Variants in SDC3 observed in about 807,000 individuals in gnomAD.
The protein encoded by SDC3 is syndecan 3.
A neutral mutation model predicts 24.4 loss-of-function variants in SDC3; 13 were observed. The observed-to-expected ratio is 0.53, with a 90% confidence interval of 0.35 to 0.85. The LOEUF (loss-of-function observed/expected upper bound fraction) is 0.85. SDC3 is among the 40% of genes least tolerant of loss of function. The pLI is 0.01. For missense variants in SDC3, 571 were observed against 584.5 expected, an observed-to-expected ratio of 0.98 and a Z score of 0.24; for synonymous variants, 295 against 260.9, an observed-to-expected ratio of 1.13 and a Z score of -1.26.
At chr1:30,892,851 C>T (rs1232312199) in intron 1 of SDC3, among the ~76,000 whole-genome samples, 1 of 152,182 alleles carries the variant, frequency 6.6e-6, no homozygotes, top group Non-Finnish European at 1.5e-5. Context: ...GTTCACCCAG[C>T]TGACATGCAG....
intron 1 of SDC3, among the ~76,000 whole-genome samples, chr1:30,888,821 G>A (rs1639867712): frequency 6.6e-6 from 1 of 152,220 alleles, no homozygotes; most frequent in Non-Finnish European, 1.5e-5. Flanking sequence ...CTGAGCCACA[G>A]CAGCCTTGGA....
At chr1:30,895,896 CGGA>C (rs940144679) in intron 1 of SDC3, among the ~76,000 whole-genome samples, 7 of 151,582 alleles carry the variant, frequency 4.6e-5, no homozygotes, top group African/African-American at 1.7e-4. Context: ...TGAGCAGAGA[CGGA>C]GGAGGAGATG....
At chr1:30,892,654 G>A (rs1639924169) in intron 1 of SDC3, among the ~76,000 whole-genome samples, 3 of 152,118 alleles carry the variant, frequency 2.0e-5, no homozygotes, top group Non-Finnish European at 1.5e-5. Context: ...TGGTGATGGT[G>A]GGCTCTCATG....
In SDC3 at chr1:30,905,539, C is replaced by A. The variant is rs948905406; in HGVS notation, c.138+2910G>T. On this transcript the variant is annotated intron_variant, in intron 1 of 4. Coordinates refer to ENST00000339394, the MANE Select transcript of SDC3 (RefSeq NM_014654.4). ...TCCAAATTAAGCCCTTCCATTCTCG[C>A]ATTGTCTCCATTTTAAAGAGGTGGA... 3.9e-5 allele frequency among the ~76,000 whole-genome samples: 6 copies of A among 151,902 alleles called. No homozygotes were observed. The East Asian group carries it at 5.8e-4, about 15-fold the overall frequency.
In SDC3 at chr1:30,871,193, C is replaced by G. The variant is rs561838517; in HGVS notation, c.*2018G>C. 7.3e-4 allele frequency: 111 copies of G among 152,428 alleles called. 1 individual carries two copies. The highest frequency in any genetic ancestry group is 2.6e-3 in the African/African-American group (110 of 41,584). 9.4% of individuals were successfully genotyped at this position (152,428 alleles called of 1,614,324 possible). A position where few individuals can be genotyped will look rare whatever the true frequency, so the allele number is the denominator to read the frequency against. ...GGGACAGCCCCTGGAACCTCCCCCT[C>G]ACTGCCTACACACCGCTACCCCTCA... is the stretch of plus-strand genomic sequence containing the variant. On this transcript the variant is annotated 3_prime_UTR_variant, in exon 5 of 5. Coordinates refer to ENST00000339394, the MANE Select transcript of SDC3 (RefSeq NM_014654.4).
At chr1:30,881,027 G>GCACACA (rs146814082) in intron 1 of SDC3, among the ~76,000 whole-genome samples, 3 of 134,590 alleles carry the variant, frequency 2.2e-5, no homozygotes, top group African/African-American at 5.5e-5. Flanking sequence ...GCGCACGCAT[G>GCACACA]CACACACACA....
chr1:30,874,894 G>A (rs1315794241), intron 3 of SDC3, among the ~76,000 whole-genome samples: 1 of 152,198 alleles, frequency 6.6e-6, no homozygotes, highest in Non-Finnish European at 1.5e-5. Context: ...TCTTGCTCTG[G>A]ACATCCTGTC....
chr1:30,907,787 C>T (rs1638554044), intron 1 of SDC3, among the ~76,000 whole-genome samples: 1 of 152,154 alleles, frequency 6.6e-6, no homozygotes, highest in Admixed American at 6.5e-5. Flanking sequence ...ACCCTCACTC[C>T]CCCCTCAGGT....
At chr1:30,877,205 G>C (rs771612411) in intron 2 of SDC3, 40 bp from the exon 3 acceptor site, 2 of 1,612,780 alleles carry the variant, frequency 1.2e-6, no homozygotes, top group Non-Finnish European at 1.7e-6. Flanking sequence ...AGGGAGCTGG[G>C]TGGTTGTGAG....
intron 1 of SDC3, among the ~76,000 whole-genome samples, chr1:30,892,124 G>A (rs1259741021): frequency 6.6e-6 from 1 of 151,912 alleles, no homozygotes; most frequent in Non-Finnish European, 1.5e-5. Flanking sequence ...CTCCCCCACT[G>A]AGCTCAGAGT....
intron 1 of SDC3, among the ~76,000 whole-genome samples, chr1:30,893,207 G>A (rs1639931636): frequency 6.8e-6 from 1 of 147,882 alleles, no homozygotes; most frequent in African/African-American, 2.5e-5. Context: ...CACCTCCACG[G>A]TGCCCCAGGC....
In SDC3 at chr1:30,908,721, C is replaced by G; in HGVS notation, c.-135G>C. 4.9e-6 allele frequency: 1 copy of G among 205,436 alleles called. No individual in the cohort carries two copies. The allele number at this position is 205,436 out of a possible 1,614,324, so 12.7% of individuals were successfully genotyped here. ...GCGCTCTAGGCTCGCGGGCTCCCGG[C>G]TCGGCCGCCCGGCTCCGCCTCGCAG... On this transcript the variant is annotated 5_prime_UTR_variant, in exon 1 of 5. Coordinates refer to ENST00000339394, the MANE Select transcript of SDC3 (RefSeq NM_014654.4).
Position 30,869,495 on chromosome 1 carries a change from T to C in SDC3, c.*3716A>G, listed in dbSNP as rs1200349895. Reference sequence around the variant, plus strand: ...TTCAGCTTAATTTTATTTCCTCTTATAAATGGGCACAGCACAGGAAGTGTT... The same window carrying C: ...TTCAGCTTAATTTTATTTCCTCTTACAAATGGGCACAGCACAGGAAGTGTT... On this transcript the variant is annotated 3_prime_UTR_variant, in exon 5 of 5. Transcript: ENST00000339394. 2.8e-6 allele frequency: 1 copy of C among 358,096 alleles called. No individual in the cohort carries two copies. The highest frequency in any genetic ancestry group is 4.8e-6 in the Non-Finnish European group (1 of 210,334). The allele number at this position is 358,096 out of a possible 1,614,324, so 22.2% of individuals were successfully genotyped here.
At chr1:30,885,945 C>T (rs946075027) in intron 1 of SDC3, among the ~76,000 whole-genome samples, 6 of 152,158 alleles carry the variant, frequency 3.9e-5, no homozygotes, top group Admixed American at 6.5e-5. Flanking sequence ...GGGACGCCTC[C>T]GTCACCGCCC....
In SDC3 at chr1:30,878,723, A is replaced by G. The variant is rs771418116; in HGVS notation, c.156T>C (p.Ser52=). The part of the protein sequence containing the change: ...GRAAGAQRWR[S]ENFERPVDLE... ...GGTCCACGGGTCTCTCGAAGTTCTC[A>G]CTGCGCCAGCGCTGGGCCTAGGGAA... is the stretch of plus-strand genomic sequence containing the variant. Residue 52 remains serine, a synonymous_variant, in exon 2 of 5, where the codon AGT becomes AGC. Transcript: ENST00000339394. The G allele has an allele frequency of 6.2e-7, 1 of 1,612,168 alleles. No homozygotes were observed. Among genetic ancestry groups the G allele is most frequent in the Non-Finnish European group, 8.5e-7 (1 of 1,178,182 alleles).
rs1638580055 is a variant in SDC3 at position 30,908,533 on chromosome 1, C to T, written c.54G>A (p.Gly18=). 12 of 935,482 alleles carry T rather than the reference C, an allele frequency of 1.3e-5. No homozygotes were observed. In the South Asian group the frequency reaches 5.1e-4, roughly 40 times the overall value. 57.9% of individuals were successfully genotyped at this position (935,482 alleles called of 1,614,324 possible). The stretch of plus-strand genomic sequence containing the variant: ...CCCCGGGCCCGGCCGCGGCCCCGGC[C>T]CCGGCGCCGGCCCCGTGGGCGGCCC... ...RAGAAHGAGA[G]AGAAAGPGAR... is the part of the protein sequence containing the mutation. The change falls in exon 1 of 5, where the codon GGG becomes GGA. Residue 18 remains glycine, a synonymous_variant. Transcript: ENST00000339394.
rs1639505710 is a variant in SDC3 at position 30,870,064 on chromosome 1, G to A, written c.*3147C>T. ...GCAAGTCCAGGGTTGTAGTTGTTGG[G>A]AGAAGAAATCCAGAGAACACAGGAG... On this transcript the variant is annotated 3_prime_UTR_variant, in exon 5 of 5. Coordinates refer to ENST00000339394, the MANE Select transcript of SDC3 (RefSeq NM_014654.4). The A allele has an allele frequency of 5.0e-6, 2 of 397,106 alleles. No homozygotes were observed. Among genetic ancestry groups the A allele is most frequent in the Non-Finnish European group, 8.9e-6 (2 of 225,778 alleles). 24.6% of individuals were successfully genotyped at this position (397,106 alleles called of 1,614,324 possible).
intron 1 of SDC3, among the ~76,000 whole-genome samples, chr1:30,895,870 A>AGG (rs1436297989): frequency 1.5e-4 from 1 of 6,894 alleles, no homozygotes. Flanking sequence ...GGGAGGAGGG[A>AGG]GGGAGGGAGG....
rs2124310826 is a variant in SDC3 at position 30,876,804 on chromosome 1, A to G, written c.618T>C (p.Thr206=). ...FTATTAVIRT[T]GVRRLLPLPL... Reference sequence around the variant, plus strand: ...GGAGAGGCAGAAGCCTCCGTACGCCAGTGGTCCTTATAACAGCAGTGGTGG... The same window carrying G: ...GGAGAGGCAGAAGCCTCCGTACGCCGGTGGTCCTTATAACAGCAGTGGTGG... The change falls in exon 3 of 5, where the codon ACT becomes ACC. Residue 206 remains threonine, a synonymous_variant. Transcript: ENST00000339394. The G allele has an allele frequency of 6.2e-7, 1 of 1,605,592 alleles. No homozygotes were observed.
Sources: gnomAD v4.1 joint callset for allele counts (sites outside exome capture counted in the v4.1 genomes callset) on GRCh38, gnomAD v4.1.1 for gene constraint, MANE v1.5 for transcripts, NCBI Gene and HGNC (gene_info 2026-07-23, HGNC 2026-07-21) for gene names.